RACK1: variants seen among roughly 807,000 people sequenced by gnomAD.
The protein encoded by RACK1 is receptor for activated C kinase 1.
RACK1 carries 3 observed loss-of-function variants against 42.2 expected under a neutral mutation model. The ratio of observed to expected loss-of-function variants is 0.07; its 90% CI spans 0.03 to 0.18. RACK1 has a LOEUF of 0.18. Ranked by LOEUF, RACK1 falls within the 10% of genes least tolerant of loss-of-function variation. The probability of loss-of-function intolerance (pLI) is 1.00; values close to 1 mark genes in which losing one functional copy is unlikely to be tolerated. For synonymous variants in RACK1, 181 were observed against 154.8 expected (o/e 1.17, Z -1.25); for missense variants, 146 against 403.2 (o/e 0.36, Z 5.46).
chr5:181,241,124 G>GAAA lies in RACK1; in HGVS notation c.429+365_429+367dup, dbSNP rs34883535. 14 of 133,850 alleles carry GAAA rather than the reference G, an allele frequency of 1.0e-4. No individual in the cohort carries two copies. In the South Asian group the frequency reaches 1.3e-3, roughly 12 times the overall value. 8.3% of individuals were successfully genotyped at this position (133,850 alleles called of 1,614,324 possible). A position where few individuals can be genotyped will look rare whatever the true frequency, so the allele number is the denominator to read the frequency against. ...GGGGAACAAGCGAAACTGTCTCCGA[G>GAAA]AAAAAAAAAAAAAAAGGCAAAGATA... On this transcript the variant is annotated intron_variant, in intron 3 of 7. Coordinates refer to ENST00000512805, the MANE Select transcript of RACK1 (RefSeq NM_006098.5).
chr5:181,243,400 G>A (rs1271074159), intron 1 of RACK1: 3 of 1,443,384 alleles, frequency 2.1e-6, no homozygotes, highest in African/African-American at 2.8e-5. Flanking sequence ...TAGGCCCCCG[G>A]CCACACTACG....
At chr5:181,241,275 A>G in intron 3 of RACK1, 1 of 493,622 alleles carries the variant, frequency 2.0e-6, no homozygotes, top group East Asian at 3.4e-5. Context: ...CTAAAACACA[A>G]AAAATTAGCT....
intron 4 of RACK1, 25 bp from the exon 5 acceptor site, chr5:181,239,202 T>A: frequency 1.4e-6 from 2 of 1,465,540 alleles, no homozygotes; most frequent in Non-Finnish European, 1.9e-6. Context: ...GGTTGACAGG[T>A]GAACATCCTA....
chr5:181,243,519 G>A, intron 1 of RACK1, 173 bp downstream of exon 1: 1 of 1,411,008 alleles, frequency 7.1e-7, no homozygotes, highest in Non-Finnish European at 9.5e-7. Context: ...CGCCCGGGTT[G>A]AGGCCTAGGC....
chr5:181,239,373 CAA>C lies in RACK1; in HGVS notation c.525+112_525+113del, dbSNP rs200700750. On this transcript the variant is annotated intron_variant, in intron 4 of 7. Transcript: ENST00000512805. ...TTACAAGGGACATCAGACCATGTGA[CAA>C]GAGAAAGAGTCAACTGAGGGCATCT... 3,374 of 820,562 alleles carry C rather than the reference CAA, an allele frequency of 4.1e-3. 67 individuals carry two copies. In the African/African-American group the frequency reaches 0.051, roughly 12 times the overall value. 50.8% of individuals were successfully genotyped at this position (820,562 alleles called of 1,614,324 possible). A position where few individuals can be genotyped will look rare whatever the true frequency, so the allele number is the denominator to read the frequency against.
At chr5:181,238,826 AAAAAAC>A (rs1759233996) in intron 5 of RACK1, 17 of 477,354 alleles carry the variant, frequency 3.6e-5, no homozygotes, top group South Asian at 1.3e-4. Context: ...CAAACAAACA[AAAAAAC>A]AACAAAAAAA....
At chr5:181,239,637 GACCT>G in intron 3 of RACK1, 55 bp from the exon 4 acceptor site, 1 of 1,175,932 alleles carries the variant, frequency 8.5e-7, no homozygotes, top group South Asian at 1.3e-5. Flanking sequence ...TGAAATGCTA[GACCT>G]CCCAGCCCTA....
chr5:181,239,189 T>G lies in RACK1; in HGVS notation c.526-12A>C, dbSNP rs1326605271. On this transcript the variant is annotated splice_polypyrimidine_tract_variant and intron_variant, in intron 4 of 7. Transcript: ENST00000512805. ...GCCAGGTTCCATACCTGCATAGACG[T>G]GCGGTTGACAGGTGAACATCCTAGC... is the stretch of plus-strand genomic sequence containing the variant. The G allele has an allele frequency of 4.5e-6, 7 of 1,560,536 alleles. No homozygotes were observed. In the East Asian group the frequency reaches 1.6e-4, roughly 35 times the overall value.
At chr5:181,241,423 C>T (rs1320668291) in intron 3 of RACK1, 69 bp downstream of exon 3, 111 of 1,119,368 alleles carry the variant, frequency 9.9e-5, no homozygotes, top group Non-Finnish European at 1.2e-4. Flanking sequence ...GTGAGACTGT[C>T]GCCAAAAAAA....
intron 1 of RACK1, 110 bp downstream of exon 1, chr5:181,243,582 G>A (rs900598779): frequency 6.4e-5 from 93 of 1,443,192 alleles, no homozygotes; most frequent in East Asian, 9.9e-5. Context: ...GTCAGTCCCC[G>A]CCAACTCGCG....
Position 181,236,941 on chromosome 5 carries a change from G to GTTTTTTT in RACK1, c.*29_*35dup. 2.9e-6 allele frequency: 4 copies of GTTTTTTT among 1,371,370 alleles called. No individual in the cohort carries two copies. The highest frequency in any genetic ancestry group is 4.0e-6 in the Non-Finnish European group (4 of 1,010,372). The allele number at this position is 1,371,370 out of a possible 1,614,324, so 85.0% of individuals were successfully genotyped here. On this transcript the variant is annotated 3_prime_UTR_variant, in exon 8 of 8. Transcript: ENST00000512805. ...AAAAACCTAAAAGTCAGAAAAGCCA[G>GTTTTTTT]TTTTTTTTTTATTTGTAAAGCTCTG...
intron 6 of RACK1, 79 bp from the exon 7 acceptor site, chr5:181,237,798 G>A (rs1759196580): frequency 1.2e-6 from 1 of 865,974 alleles, no homozygotes; most frequent in Non-Finnish European, 2.0e-6. Context: ...AGATTCTCAA[G>A]TTAAAAAGGG....
chr5:181,243,130 T>C (rs1311069413), intron 1 of RACK1: 8 of 558,038 alleles, frequency 1.4e-5, no homozygotes. Flanking sequence ...CCAGACATGA[T>C]TCAAAAGTCA....
chr5:181,238,329 C>A, intron 5 of RACK1, 90 bp from the exon 6 acceptor site: 3 of 1,373,350 alleles, frequency 2.2e-6, no homozygotes, highest in Non-Finnish European at 2.1e-6. Context: ...TCAATTCTTA[C>A]CTTTCCTCCA....
At chr5:181,241,993 C>T (rs1759364207) in intron 2 of RACK1, 181 bp downstream of exon 2, 2 of 786,858 alleles carry the variant, frequency 2.5e-6, no homozygotes, top group Non-Finnish European at 4.5e-6. Flanking sequence ...TTCAGCCACA[C>T]TCCTCAGCAA....
intron 2 of RACK1, chr5:181,241,856 G>T: frequency 1.3e-6 from 1 of 773,930 alleles, no homozygotes; most frequent in Non-Finnish European, 2.3e-6. Context: ...TCCCACTTGG[G>T]GATTGGCTGA....
intron 1 of RACK1, chr5:181,243,454 C>A (rs779171289): frequency 2.0e-6 from 3 of 1,497,348 alleles, no homozygotes; most frequent in East Asian, 2.5e-5. Context: ...AACTCTCCAA[C>A]CCTCCTAGCA....
intron 1 of RACK1, 21 bp downstream of exon 1, chr5:181,243,671 G>C: frequency 6.3e-7 from 1 of 1,575,816 alleles, no homozygotes; most frequent in Non-Finnish European, 8.6e-7. Context: ...CTCGGGTCCT[G>C]AAATCTACCT....
At chr5:181,240,857 G>A (rs114979459) in intron 3 of RACK1, 4,142 of 152,196 alleles carry the variant, frequency 0.027, 69 homozygotes, top group Non-Finnish European at 0.039. Flanking sequence ...AGCGGGGGAC[G>A]GTGGCTCACG....
Sources: allele counts gnomAD v4.1 joint callset, GRCh38; gene constraint gnomAD v4.1.1; transcripts MANE v1.5; gene names NCBI Gene and HGNC (gene_info 2026-07-23, HGNC 2026-07-21).